Variants in CCDC181 observed in about 807,000 individuals in gnomAD.
CCDC181 encodes the protein coiled-coil domain containing 181, also known as coiled-coil domain-containing protein 181.
A neutral mutation model predicts 58.7 loss-of-function variants in CCDC181; 35 were observed. That is an observed-to-expected ratio of 0.60 (90% CI 0.46 to 0.79). CCDC181 has a LOEUF of 0.79. Ranked by LOEUF, CCDC181 falls within the 30% of genes least tolerant of loss-of-function variation. The probability of loss-of-function intolerance (pLI) is 0.00; values close to 1 mark genes in which losing one functional copy is unlikely to be tolerated. For missense variants in CCDC181, 517 were observed against 583.9 expected (o/e 0.89, Z 1.18); for synonymous variants, 183 against 197.5 (o/e 0.93, Z 0.62).
Position 169,424,921 on chromosome 1 carries a change from C to T in CCDC181, c.7G>A (p.Glu3Lys). The T allele has an allele frequency of 6.4e-7, 1 of 1,557,532 alleles. No individual in the cohort carries two copies. Among genetic ancestry groups the T allele is most frequent in the Admixed American group, 1.7e-5 (1 of 58,490 alleles). The change falls in exon 2 of 6, where the codon GAA becomes AAA. Residue 3 changes from glutamate (E) to lysine (K), a missense_variant. Transcript: ENST00000367806. MN[E>K]NKDTDSKKSE... ...TTCTTTGAATCAGTATCTTTATTTT[C>T]ATTCATTTTCTGTTTGTGAAGGAAA...
intron 2 of CCDC181, chr1:169,452,416 C>T (rs2101758458): frequency 6.6e-6 from 1 of 152,150 alleles, no homozygotes; most frequent in African/African-American, 2.4e-5. Flanking sequence ...AGAAAGTAGA[C>T]AGCAGTACTG....
At chr1:169,454,539 GA>G (rs1390843197) in intron 2 of CCDC181, 2 of 152,018 alleles carry the variant, frequency 1.3e-5, no homozygotes, top group Non-Finnish European at 2.9e-5. Flanking sequence ...CTGCTCAGCA[GA>G]AAATGTTTTC....
chr1:169,440,610 T>C (rs988142248), intron 2 of CCDC181, among the ~76,000 whole-genome samples: 1 of 152,078 alleles, frequency 6.6e-6, no homozygotes, highest in African/African-American at 2.4e-5. Flanking sequence ...AATTCAGAAT[T>C]GCTGGCTCAA....
At chr1:169,439,096 T>G (rs886852024) in intron 2 of CCDC181, among the ~76,000 whole-genome samples, 1 of 151,160 alleles carries the variant, frequency 6.6e-6, no homozygotes, top group Non-Finnish European at 1.5e-5. Flanking sequence ...AGTGGGGCTA[T>G]ATCCAAACCA....
At chr1:169,454,252 G>A (rs1159457304) in intron 2 of CCDC181, 1 of 151,902 alleles carries the variant, frequency 6.6e-6, no homozygotes, top group Non-Finnish European at 1.5e-5. Flanking sequence ...AACATGGGTG[G>A]AATGGCTATT....
chr1:169,448,052 C>G lies in CCDC181; in HGVS notation c.-24+11745G>C, dbSNP rs144759581. On this transcript the variant is annotated intron_variant, in intron 2 of 6. Transcript: ENST00000545005. ...ATATTTTTAACAAACTTAAAACTAA[C>G]TGAAAACTAACTTCAAATAACAGTA... Among the ~76,000 whole-genome samples, 126 of 152,202 alleles carry G rather than the reference C, an allele frequency of 8.3e-4. 1 individual carries two copies. Among genetic ancestry groups the G allele is most frequent in the Non-Finnish European group, 2.2e-4 (15 of 67,988 alleles).
intron 4 of CCDC181, among the ~76,000 whole-genome samples, chr1:169,408,035 G>A (rs1206953723): frequency 6.6e-6 from 1 of 152,170 alleles, no homozygotes; most frequent in Non-Finnish European, 1.5e-5. Context: ...AGCTGCAGGA[G>A]TTTTTCATCA....
chr1:169,440,230 G>C (rs746676492), intron 2 of CCDC181, among the ~76,000 whole-genome samples: 27 of 152,224 alleles, frequency 1.8e-4, no homozygotes, highest in Non-Finnish European at 3.2e-4. Context: ...CCCAGTCCAA[G>C]AGAACTAGGC....
chr1:169,413,255 G>T (rs541464974), intron 4 of CCDC181, among the ~76,000 whole-genome samples: 11 of 152,246 alleles, frequency 7.2e-5, no homozygotes, highest in African/African-American at 2.4e-4. Flanking sequence ...GCAGCCAATA[G>T]ACATATGAAA....
chr1:169,458,228 G>A (rs930112136), intron 2 of CCDC181, among the ~76,000 whole-genome samples: 23 of 139,612 alleles, frequency 1.6e-4, no homozygotes, highest in African/African-American at 5.6e-4. Flanking sequence ...GGCCAAAATC[G>A]CAATTACTTT....
chr1:169,400,407 A>G (rs1655270098), intron 4 of CCDC181, among the ~76,000 whole-genome samples: 1 of 152,220 alleles, frequency 6.6e-6, no homozygotes, highest in African/African-American at 2.4e-5. Flanking sequence ...TTTCCTTACA[A>G]CTTTTATATT....
chr1:169,436,595 T>G (rs557298442), intron 2 of CCDC181, among the ~76,000 whole-genome samples: 1 of 152,190 alleles, frequency 6.6e-6, no homozygotes, highest in South Asian at 2.1e-4. Flanking sequence ...AAAGAAAATT[T>G]TTTTGTCTCT....
At chr1:169,395,347 C>A (rs1257730315) in intron 5 of CCDC181, 141 bp from the exon 6 acceptor site, 2 of 702,096 alleles carry the variant, frequency 2.8e-6, no homozygotes, top group Non-Finnish European at 4.2e-6. Flanking sequence ...TAAGTATTAA[C>A]TGAAAAATGT....
At chr1:169,403,341 A>G (rs1655461686) in intron 4 of CCDC181, among the ~76,000 whole-genome samples, 1 of 152,230 alleles carries the variant, frequency 6.6e-6, no homozygotes, top group Non-Finnish European at 1.5e-5. Context: ...CTCCACCCCA[A>G]ATCAACAGAA....
chr1:169,428,873 T>TCCAACAACTGAGCTCAGGCAGTCTGCCCA (rs1434855012), upstream of CCDC181, among the ~76,000 whole-genome samples: 1 of 152,182 alleles, frequency 6.6e-6, no homozygotes, highest in Non-Finnish European at 1.5e-5. Context: ...CAAGCTGTTC[T>TCCAACAACTGAGCTCAGGCAGTCTGCCCA]CCAACAACTG....
intron 4 of CCDC181, among the ~76,000 whole-genome samples, chr1:169,415,560 G>C (rs1656178608): frequency 6.6e-6 from 1 of 152,146 alleles, no homozygotes; most frequent in African/African-American, 2.4e-5. Context: ...CATACTTCAA[G>C]TACTTCGGTG....
intron 2 of CCDC181, among the ~76,000 whole-genome samples, chr1:169,437,020 G>A (rs1657071831): frequency 6.6e-6 from 1 of 152,036 alleles, no homozygotes; most frequent in South Asian, 2.1e-4. Flanking sequence ...GGAGACCTGA[G>A]TTTTATTATT....
At chr1:169,458,175 G>GTTTTTTTTT (rs369111049) in intron 2 of CCDC181, among the ~76,000 whole-genome samples, 2 of 126,898 alleles carry the variant, frequency 1.6e-5, no homozygotes, top group Non-Finnish European at 3.2e-5. Context: ...AGTAATTTTT[G>GTTTTTTTTT]TTTTTTTTTT....
chr1:169,400,506 A>G (rs1655275729), intron 4 of CCDC181, among the ~76,000 whole-genome samples: 1 of 152,228 alleles, frequency 6.6e-6, no homozygotes, highest in South Asian at 2.1e-4. Context: ...CCAGAGAAAG[A>G]GGCCTTCAAC....
Sources: allele counts gnomAD v4.1 joint callset (sites outside exome capture counted in the v4.1 genomes callset), GRCh38; gene constraint gnomAD v4.1.1; transcripts MANE v1.5; gene names NCBI Gene and HGNC (gene_info 2026-07-23, HGNC 2026-07-21).